LPP: variants seen among roughly 807,000 people sequenced by gnomAD.
LPP encodes the protein LIM domain containing preferred translocation partner in lipoma.
A neutral mutation model predicts 60.4 loss-of-function variants in LPP; 38 were observed. The observed-to-expected ratio is 0.63, with a 90% CI of 0.49 to 0.83. LPP has a LOEUF of 0.83. Ranked by LOEUF, LPP falls within the 40% of genes least tolerant of loss-of-function variation. The pLI is 0.00. For synonymous variants in LPP, 328 were observed against 290.8 expected, an observed-to-expected ratio of 1.13 and a Z score of -1.30; for missense variants, 902 against 783.6, an observed-to-expected ratio of 1.15 and a Z score of -1.80.
chr3:188,730,146 G>C (rs574694312), intron 8 of LPP, among the ~76,000 whole-genome samples: 2 of 152,292 alleles, frequency 1.3e-5, no homozygotes, highest in South Asian at 4.1e-4. Flanking sequence ...GTGCGTATGT[G>C]CATATGTGCA....
chr3:188,334,937 G>T (rs1009870088), intron 2 of LPP, among the ~76,000 whole-genome samples: 4 of 152,104 alleles, frequency 2.6e-5, no homozygotes, highest in Admixed American at 2.0e-4. Context: ...TGGATGTCCA[G>T]TTTTCCCAGC....
chr3:188,436,969 G>A (rs542106995), intron 4 of LPP, among the ~76,000 whole-genome samples: 3 of 152,192 alleles, frequency 2.0e-5, no homozygotes, highest in African/African-American at 7.2e-5. Flanking sequence ...GGTGCAGTAG[G>A]GATGATCCAG....
intron 7 of LPP, among the ~76,000 whole-genome samples, chr3:188,685,000 G>A (rs1318847263): frequency 1.3e-5 from 2 of 152,210 alleles, no homozygotes; most frequent in Non-Finnish European, 2.9e-5. Context: ...TATATGTCAA[G>A]CACTGTTCCA....
intron 4 of LPP, among the ~76,000 whole-genome samples, chr3:188,429,098 G>C (rs1278992488): frequency 6.6e-6 from 1 of 152,108 alleles, no homozygotes; most frequent in African/African-American, 2.4e-5. Context: ...TAGACTGAGA[G>C]CTGGAACTCT....
chr3:188,365,684 CTTCT>C (rs1770911971), intron 3 of LPP, among the ~76,000 whole-genome samples: 1 of 144,416 alleles, frequency 6.9e-6, no homozygotes, highest in Non-Finnish European at 1.5e-5. Flanking sequence ...TTCTTTTCTT[CTTCT>C]TTTTTTTTTT....
At chr3:188,816,815 A>G (rs1488331696) in intron 9 of LPP, among the ~76,000 whole-genome samples, 1 of 152,280 alleles carries the variant, frequency 6.6e-6, no homozygotes, top group East Asian at 1.9e-4. Flanking sequence ...CCTAAATACT[A>G]TAAAAATCTT....
intron 1 of LPP, among the ~76,000 whole-genome samples, chr3:188,208,652 C>A (rs550976983): frequency 6.6e-6 from 1 of 152,288 alleles, no homozygotes; most frequent in African/African-American, 2.4e-5. Flanking sequence ...GTCTTTGAAA[C>A]GTCCATCTCT....
intron 9 of LPP, among the ~76,000 whole-genome samples, chr3:188,824,912 G>A (rs142832397): frequency 7.9e-5 from 12 of 152,180 alleles, no homozygotes; most frequent in Non-Finnish European, 1.8e-4. Flanking sequence ...AAGTAGGGTG[G>A]GATATTGGTG....
At chr3:188,499,384 G>C (rs752757248) in intron 5 of LPP, among the ~76,000 whole-genome samples, 1 of 152,162 alleles carries the variant, frequency 6.6e-6, no homozygotes, top group African/African-American at 2.4e-5. Context: ...TGAAAAGACT[G>C]TCCTTCCTGT....
At chr3:188,458,032 AT>A (rs1560430343) in intron 4 of LPP, among the ~76,000 whole-genome samples, 1 of 152,198 alleles carries the variant, frequency 6.6e-6, no homozygotes, top group African/African-American at 2.4e-5. Context: ...CAGATATTGT[AT>A]TTTTAGTTCA....
chr3:188,616,022 C>G (rs1029541115), intron 7 of LPP, among the ~76,000 whole-genome samples: 4 of 152,118 alleles, frequency 2.6e-5, no homozygotes, highest in Non-Finnish European at 5.9e-5. Flanking sequence ...AAAATTTTCT[C>G]CCATTCTGTA....
chr3:188,609,814 A>T lies in LPP; in HGVS notation c.1083A>T (p.Ser361=). 2 of 1,613,272 alleles carry T rather than the reference A, an allele frequency of 1.2e-6. No individual in the cohort carries two copies. Among genetic ancestry groups the T allele is most frequent in the Non-Finnish European group, 1.7e-6 (2 of 1,179,750 alleles). Residue 361 remains serine (S), a synonymous_variant, in exon 7 of 12, where the codon TCA becomes TCT. Coordinates refer to ENST00000617246, the MANE Select transcript of LPP (RefSeq NM_001375462.1). This position sits in a 1 kb window ranked among gnomAD's most constrained non-coding sequence, Gnocchi z 6.9. The part of the protein sequence containing the change: ...PKKTYITDPV[S]APCAPPLQPK... ...AGACCTATATCACAGATCCTGTTTC[A>T]GCCCCCTGTGCGCCACCATTGCAGC...
chr3:188,629,131 A>T (rs968688943), intron 7 of LPP, among the ~76,000 whole-genome samples: 1 of 152,174 alleles, frequency 6.6e-6, no homozygotes, highest in Non-Finnish European at 1.5e-5. Context: ...ATCTATGTCA[A>T]ACCCTCAGCC....
chr3:188,587,634 C>G (rs1048886278), intron 6 of LPP, among the ~76,000 whole-genome samples: 2 of 152,078 alleles, frequency 1.3e-5, no homozygotes, highest in Non-Finnish European at 2.9e-5. Flanking sequence ...TTTGAAACAG[C>G]CTTTCGTAAA....
chr3:188,387,049 T>C (rs1261846057), intron 3 of LPP, among the ~76,000 whole-genome samples: 1 of 152,110 alleles, frequency 6.6e-6, no homozygotes, highest in Admixed American at 6.5e-5. Flanking sequence ...AAAAGGCTTT[T>C]CTTATCGTTG....
rs536040864 is a variant in LPP, at chr3:188,883,015, C to T, written c.*8536C>T. The T allele has an allele frequency of 5.1e-6, 1 of 195,426 alleles. No individual in the cohort carries two copies. Among genetic ancestry groups the T allele is most frequent in the Admixed American group, 6.1e-5 (1 of 16,422 alleles). 12.1% of individuals were successfully genotyped at this position (195,426 alleles called of 1,614,324 possible). On this transcript the variant is annotated 3_prime_UTR_variant, in exon 12 of 12. Coordinates refer to ENST00000617246, the MANE Select transcript of LPP (RefSeq NM_001375462.1). Reference sequence around the variant, plus strand: ...AGTGCCAATTCTGACTCTACTTAAACATCACCTGTATCAGGGAGCTCATTA... The same window carrying T: ...AGTGCCAATTCTGACTCTACTTAAATATCACCTGTATCAGGGAGCTCATTA...
chr3:188,785,545 T>TACAC (rs768464874), intron 9 of LPP, among the ~76,000 whole-genome samples: 1 of 58,940 alleles, frequency 1.7e-5, no homozygotes, highest in Non-Finnish European at 2.7e-5. Context: ...CATATATATA[T>TACAC]ATACACACAC....
intron 2 of LPP, among the ~76,000 whole-genome samples, chr3:188,263,414 C>T (rs1057496584): frequency 6.6e-6 from 1 of 152,220 alleles, no homozygotes; most frequent in African/African-American, 2.4e-5. Context: ...CCTTCAGTTG[C>T]TTCCTTTTGC....
chr3:188,330,502 C>G (rs906984141), intron 2 of LPP, among the ~76,000 whole-genome samples: 1 of 152,016 alleles, frequency 6.6e-6, no homozygotes, highest in Admixed American at 6.6e-5. Flanking sequence ...TTTCCTGATT[C>G]TTCTTTCATG....
Sources: gnomAD v4.1 joint callset for allele counts (sites outside exome capture counted in the v4.1 genomes callset) on GRCh38, gnomAD v4.1.1 for gene constraint, Gnocchi (gnomAD v3.1) non-coding constraint, MANE v1.5 for transcripts, NCBI Gene and HGNC (gene_info 2026-07-23, HGNC 2026-07-21) for gene names.